Variants in STOX2 observed in about 807,000 individuals in gnomAD.
The protein encoded by STOX2 is storkhead box 2.
A neutral mutation model predicts 60.9 loss-of-function variants in STOX2; 28 were observed. The observed-to-expected ratio is 0.46, with a 90% CI of 0.34 to 0.63. The LOEUF is 0.63. Ranked by LOEUF, STOX2 falls within the 30% of genes least tolerant of loss-of-function variation. The pLI is 0.01. For missense variants in STOX2, 1,024 were observed against 1,187.7 expected (o/e 0.86, Z 2.03); for synonymous variants, 472 against 463.9 (o/e 1.02, Z -0.22).
intron 1 of STOX2, among the ~76,000 whole-genome samples, chr4:183,990,935 C>T (rs1733081309): frequency 6.6e-6 from 1 of 152,026 alleles, no homozygotes; most frequent in African/African-American, 2.4e-5. Flanking sequence ...AGGACATTTT[C>T]CTTAGAAGAA....
intron 1 of STOX2, among the ~76,000 whole-genome samples, chr4:183,930,435 G>T (rs1742387170): frequency 6.6e-6 from 1 of 152,032 alleles, no homozygotes; most frequent in South Asian, 2.1e-4. Context: ...TCACTCCTGG[G>T]CTCAAGTGAT....
Position 183,947,081 on chromosome 4 carries a change from G to T in STOX2, c.166+40125G>T, listed in dbSNP as rs1017639828. Among the ~76,000 whole-genome samples the T allele has an allele frequency of 8.5e-5, 3 of 35,116 alleles. No homozygotes were observed. In the Non-Finnish European group the frequency reaches 1.8e-3, roughly 21 times the overall value. The allele number at this position is 35,116 out of a possible 152,430, so 23.0% of individuals were successfully genotyped here. A position where few individuals can be genotyped will look rare whatever the true frequency, so the allele number is the denominator to read the frequency against. The stretch of plus-strand genomic sequence containing the variant: ...ATCCGTGGATTTCGGTATCCTGGTG[G>T]GGGGTGGGGCAAGGGGGCTCCTGGA... On this transcript the variant is annotated intron_variant, in intron 1 of 3. Coordinates refer to ENST00000308497, the MANE Select transcript of STOX2 (RefSeq NM_020225.3).
chr4:184,014,736 C>T (rs1017093377), intron 3 of STOX2: 43 of 152,128 alleles, frequency 2.8e-4, no homozygotes, highest in Non-Finnish European at 7.4e-5. Flanking sequence ...ACATTCTTTA[C>T]CACAATTTAC....
chr4:183,828,511 A>G (rs1739488711), intron 1 of STOX2, among the ~76,000 whole-genome samples: 1 of 151,988 alleles, frequency 6.6e-6, no homozygotes, highest in African/African-American at 2.4e-5. Context: ...TCCCCCCTTT[A>G]TAAAAAAAAT....
intron 1 of STOX2, among the ~76,000 whole-genome samples, chr4:183,990,543 A>G (rs1733057208): frequency 7.1e-6 from 1 of 140,018 alleles, no homozygotes; most frequent in Non-Finnish European, 1.5e-5. Flanking sequence ...TTCAATAAAT[A>G]GTTGAATAGG....
At chr4:183,861,193 C>A (rs1740433110) in intron 1 of STOX2, among the ~76,000 whole-genome samples, 1 of 152,200 alleles carries the variant, frequency 6.6e-6, no homozygotes, top group Non-Finnish European at 1.5e-5. Flanking sequence ...AACACAGAAC[C>A]TGGTCAGATT....
At chr4:183,811,191 A>G (rs1739026337) in intron 1 of STOX2, among the ~76,000 whole-genome samples, 1 of 152,156 alleles carries the variant, frequency 6.6e-6, no homozygotes, top group African/African-American at 2.4e-5. Context: ...GGGGTGATAG[A>G]TGGTACATGG....
chr4:183,833,737 C>T (rs1739629462), intron 1 of STOX2, among the ~76,000 whole-genome samples: 1 of 151,114 alleles, frequency 6.6e-6, no homozygotes, highest in Non-Finnish European at 1.5e-5. Context: ...AATCCCAGCA[C>T]TTTGGGAGGC....
At chr4:183,912,343 C>T (rs1017014670) in intron 1 of STOX2, among the ~76,000 whole-genome samples, 1 of 152,200 alleles carries the variant, frequency 6.6e-6, no homozygotes, top group South Asian at 2.1e-4. Context: ...TAGACCAGGG[C>T]ACATCACAGT....
At chr4:183,954,424 G>A (rs1278727205) in intron 1 of STOX2, among the ~76,000 whole-genome samples, 2 of 151,960 alleles carry the variant, frequency 1.3e-5, no homozygotes, top group Non-Finnish European at 2.9e-5. Context: ...GAGTAGCTGG[G>A]ATTACAGGCG....
chr4:183,832,634 G>A (rs1008796767), intron 1 of STOX2, among the ~76,000 whole-genome samples: 1 of 151,830 alleles, frequency 6.6e-6, no homozygotes, highest in Admixed American at 6.6e-5. Flanking sequence ...GGGATTACAG[G>A]TGCCTGCCAC....
At chr4:183,923,428 C>A (rs181298898) in intron 1 of STOX2, among the ~76,000 whole-genome samples, 108 of 152,268 alleles carry the variant, frequency 7.1e-4, no homozygotes, top group Non-Finnish European at 1.1e-3. Flanking sequence ...CTGGAGTGAT[C>A]TCTGTGTTGT....
At chr4:183,820,126 T>A (rs185652819) in intron 1 of STOX2, among the ~76,000 whole-genome samples, 2 of 152,298 alleles carry the variant, frequency 1.3e-5, no homozygotes, top group East Asian at 1.9e-4. Flanking sequence ...GGTTTCACCA[T>A]GTTGGCCGGG....
Position 183,806,175 on chromosome 4 carries a change from C to T in STOX2, c.364+8120C>T, listed in dbSNP as rs989178244. Among the ~76,000 whole-genome samples the T allele has an allele frequency of 2.6e-5, 4 of 152,254 alleles. No homozygotes were observed. The highest frequency in any genetic ancestry group is 9.6e-5 in the African/African-American group (4 of 41,556). Reference sequence around the variant, plus strand: ...TTCACTCTGAAGATGAAAATAAACACGATTAAAGACTCCATTTTCCCAATT... The same window carrying T: ...TTCACTCTGAAGATGAAAATAAACATGATTAAAGACTCCATTTTCCCAATT... On this transcript the variant is annotated intron_variant, in intron 1 of 2. Transcript: ENST00000513034. This position sits in a 1 kb window ranked among gnomAD's most constrained non-coding sequence, Gnocchi z 4.1.
intron 1 of STOX2, among the ~76,000 whole-genome samples, chr4:183,949,100 C>T (rs1742991296): frequency 6.6e-6 from 1 of 151,864 alleles, no homozygotes; most frequent in Non-Finnish European, 1.5e-5. Context: ...TTAGTCTTCT[C>T]ATGGAGAAAT....
intron 1 of STOX2, among the ~76,000 whole-genome samples, chr4:183,969,087 G>T (rs1743664520): frequency 6.6e-6 from 1 of 152,320 alleles, no homozygotes; most frequent in South Asian, 2.1e-4. Context: ...TGCTGTTCCT[G>T]TGAGAATTGA....
chr4:184,011,142 A>C lies in STOX2; in HGVS notation c.2304A>C (p.Glu768Asp). The C allele has an allele frequency of 6.3e-7, 1 of 1,575,702 alleles. No individual in the cohort carries two copies. The highest frequency in any genetic ancestry group is 1.2e-5 in the South Asian group (1 of 83,838). The change falls in exon 3 of 4, where the codon GAA (glutamate) becomes GAC (aspartate). Residue 768 changes from glutamate (E) to aspartate (D), a missense_variant. Transcript: ENST00000308497. This position sits in a 1 kb window ranked among gnomAD's most constrained non-coding sequence, Gnocchi z 4.4. Reference protein sequence around the residue: ...QRQQESGGNQEASFDYYNVSD... With the variant: ...QRQQESGGNQDASFDYYNVSD... ...AGCAGGAGTCAGGAGGGAACCAGGA[A>C]GCCTCTTTTGACTATTACAACGTCT...
At chr4:183,939,781 C>T (rs1002380968) in intron 1 of STOX2, among the ~76,000 whole-genome samples, 5 of 152,068 alleles carry the variant, frequency 3.3e-5, no homozygotes, top group Non-Finnish European at 5.9e-5. Flanking sequence ...TTAACTTCTC[C>T]GCGTCCCAGT....
intron 1 of STOX2, among the ~76,000 whole-genome samples, chr4:183,878,520 A>T (rs1740881587): frequency 6.6e-6 from 1 of 152,168 alleles, no homozygotes; most frequent in Non-Finnish European, 1.5e-5. Flanking sequence ...TTTGATTTGG[A>T]ATTAGAATTA....
Sources: allele counts gnomAD v4.1 joint callset (sites outside exome capture counted in the v4.1 genomes callset), GRCh38; gene constraint gnomAD v4.1.1; non-coding constraint Gnocchi (gnomAD v3.1); transcripts MANE v1.5; gene names NCBI Gene and HGNC (gene_info 2026-07-23, HGNC 2026-07-21).